Variants in TSNAXIP1 observed in about 807,000 individuals in gnomAD.
TSNAXIP1 encodes translin associated factor X interacting protein 1.
A neutral mutation model predicts 84.8 loss-of-function variants in TSNAXIP1; 89 were observed. That is an observed-to-expected ratio of 1.05 (90% CI 0.88 to 1.25). The LOEUF (loss-of-function observed/expected upper bound fraction) is 1.25, where lower values mean the gene tolerates loss of function less well. TSNAXIP1 is among the 50% of genes most tolerant of loss of function. The pLI, the probability that TSNAXIP1 is intolerant of heterozygous loss-of-function variation, is 0.00. For missense variants in TSNAXIP1, 874 were observed against 887.6 expected (o/e 0.98, Z 0.20); for synonymous variants, 347 against 335.2 (o/e 1.04, Z -0.39).
Position 67,807,212 on chromosome 16 carries a change from G to C in TSNAXIP1, c.47+16G>C, listed in dbSNP as rs1364495344. On this transcript the variant is annotated intron_variant, in intron 1 of 15. Coordinates refer to ENST00000561639, the MANE Select transcript of TSNAXIP1 (RefSeq NM_001288990.3). ...CCGCGTCGAGGTAGGCGCTGGCAGGGATGAGGGCAGAGATGAGGGTTTGAG... is the reference window on the plus strand; with the variant it reads ...CCGCGTCGAGGTAGGCGCTGGCAGGCATGAGGGCAGAGATGAGGGTTTGAG... 1.3e-6 allele frequency: 2 copies of C among 1,535,904 alleles called. No individual in the cohort carries two copies. The highest frequency in any genetic ancestry group is 3.9e-5 in the Admixed American group (2 of 50,962).
intron 15 of TSNAXIP1, 32 bp from the exon 16 acceptor site, chr16:67,827,714 GAGGGGTC>G: frequency 4.3e-6 from 7 of 1,612,574 alleles, no homozygotes; most frequent in Non-Finnish European, 5.9e-6. Context: ...GCACGGAGAG[GAGGGGTC>G]AGGGCCTGTC....
Position 67,807,029 on chromosome 16 carries a change from G to T in TSNAXIP1, c.-121G>T, listed in dbSNP as rs559289341. On this transcript the variant is annotated 5_prime_UTR_variant, in exon 1 of 16. Coordinates refer to ENST00000561639, the MANE Select transcript of TSNAXIP1 (RefSeq NM_001288990.3). Reference sequence around the variant, plus strand: ...CGGGCGCTAGGCTCGGGGGCGTGGCGCATCCCTGACTCCGCCCCCGCCGCG... The same window carrying T: ...CGGGCGCTAGGCTCGGGGGCGTGGCTCATCCCTGACTCCGCCCCCGCCGCG... The T allele has an allele frequency of 2.2e-4, 321 of 1,442,406 alleles. 1 individual carries two copies. The African/African-American group carries it at 4.3e-3, about 19-fold the overall frequency. The allele number at this position is 1,442,406 out of a possible 1,614,324, so 89.4% of individuals were successfully genotyped here.
chr16:67,826,475 T>A lies in TSNAXIP1; in HGVS notation c.1314T>A (p.Asp438Glu), dbSNP rs1031433539. Residue 438 changes from aspartate (D) to glutamate (E), a missense_variant, in exon 11 of 16, where the codon GAT becomes GAA. Transcript: ENST00000561639. ...CCATCCCTGCTTTTCTTCGGTTTGA[T>A]GGCCTCGTGGAGAACAAGAAGCCAA... ...GEAIPAFLRF[D>E]GLVENKKPSK... 1.2e-6 allele frequency: 2 copies of A among 1,613,950 alleles called. No individual in the cohort carries two copies. Among genetic ancestry groups the A allele is most frequent in the African/African-American group, 1.3e-5 (1 of 74,908 alleles).
At position 67,824,792 on chromosome 16, in the gene TSNAXIP1, G is replaced by A. The variant is rs1221366755; in HGVS notation, c.678+13G>A. 6 of 1,610,758 alleles carry A rather than the reference G, an allele frequency of 3.7e-6. No homozygotes were observed. Among genetic ancestry groups the A allele is most frequent in the Non-Finnish European group, 5.1e-6 (6 of 1,177,982 alleles). On this transcript the variant is annotated intron_variant, in intron 6 of 15. Transcript: ENST00000561639. ...ATTGCAGAGCGAGGTGAATGGAAGT[G>A]GTGTGATGATGACCAAGTCCCCGAA...
Position 67,826,831 on chromosome 16 carries a change from T to A in TSNAXIP1, c.1541T>A (p.Val514Asp). ...SNEVMSQFYA[V>D]LMGKRSENVY... ...GAGGTTATGAGTCAGTTCTATGCAG[T>A]CTTGATGGGAAAGGTGAGCTGGGGC... The change falls in exon 12 of 16, where the codon GTC becomes GAC. Residue 514 changes from valine (V) to aspartate (D), a missense_variant. Transcript: ENST00000561639. 1 of 1,613,576 alleles carries A rather than the reference T, an allele frequency of 6.2e-7. No individual in the cohort carries two copies. The highest frequency in any genetic ancestry group is 2.2e-5 in the East Asian group (1 of 44,884).
At position 67,814,397 on chromosome 16, in the gene TSNAXIP1, C is replaced by A. The variant is rs776688882; in HGVS notation, c.143C>A (p.Thr48Lys). The A allele has an allele frequency of 1.3e-6, 2 of 1,535,608 alleles. No homozygotes were observed. The highest frequency in any genetic ancestry group is 2.7e-5 in the African/African-American group (2 of 73,018). The change falls in exon 2 of 16, where the codon ACG (threonine) becomes AAG (lysine). Residue 48 changes from threonine (T) to lysine (K), a missense_variant. By Grantham distance (78) the Thr-to-Lys change is moderately conservative. Transcript: ENST00000561639. ...CGCAAGCTTCTTCAGAAACGAAGGA[C>A]GCTGGTTAGTGACAATGTTGTTTTG... ...QNRKLLQKRR[T>K]LTGQFSMGGH...
chr16:67,824,735 C>G lies in TSNAXIP1; in HGVS notation c.634C>G (p.Leu212Val). 1 of 1,614,140 alleles carries G rather than the reference C, an allele frequency of 6.2e-7. No individual in the cohort carries two copies. Among genetic ancestry groups the G allele is most frequent in the Non-Finnish European group, 8.5e-7 (1 of 1,180,000 alleles). Residue 212 changes from leucine to valine, a missense_variant, in exon 6 of 16, where the codon CTC (leucine) becomes GTC (valine). Leu to Val is a conservative substitution (Grantham distance 32). Coordinates refer to ENST00000561639, the MANE Select transcript of TSNAXIP1 (RefSeq NM_001288990.3). Reference protein sequence around the residue: ...LKKEKMNLLKLIDKKNEEKIS... With the variant: ...LKKEKMNLLKVIDKKNEEKIS... ...GAAAGAGAAGATGAACTTGCTAAAA[C>G]TCATCGACAAAAAGAATGAGGAGAA...
chr16:67,819,304 G>C (rs1312934935), intron 2 of TSNAXIP1, among the ~76,000 whole-genome samples: 1 of 150,020 alleles, frequency 6.7e-6, no homozygotes, highest in Non-Finnish European at 1.5e-5. Flanking sequence ...AGTGCAAGGG[G>C]TCGATCCCAG....
chr16:67,807,117 C>G lies in TSNAXIP1; in HGVS notation c.-33C>G, dbSNP rs2055504980. The stretch of plus-strand genomic sequence containing the variant: ...TGTACGCTACCACAGCTTCCCAGGC[C>G]GCGGGTGCTGATTGCCCGCCTGCCC... On this transcript the variant is annotated 5_prime_UTR_variant, in exon 1 of 16. Transcript: ENST00000561639. 6.5e-7 allele frequency: 1 copy of G among 1,533,262 alleles called. No homozygotes were observed. The highest frequency in any genetic ancestry group is 8.7e-7 in the Non-Finnish European group (1 of 1,145,962). The allele number at this position is 1,533,262 out of a possible 1,614,324, so 95.0% of individuals were successfully genotyped here.
intron 1 of TSNAXIP1, 56 bp downstream of exon 1, chr16:67,807,252 G>A: frequency 1.3e-6 from 2 of 1,535,824 alleles, no homozygotes; most frequent in Non-Finnish European, 1.7e-6. Context: ...TCTAGAGAGG[G>A]AAATGGCACT....
Position 67,827,359 on chromosome 16 carries a change from GCTCA to G in TSNAXIP1, c.1778_1781del (p.Ser593CysfsTer32), listed in dbSNP as rs762682167. ...AGCAATGCAGACTTGCTCAACTACC[GCTCA>G]CTGTTTATGGAGGTGGGTGTGTGGG... is the stretch of plus-strand genomic sequence containing the variant. On this transcript the variant is annotated frameshift_variant, in exon 14 of 16. Coordinates refer to ENST00000561639, the MANE Select transcript of TSNAXIP1 (RefSeq NM_001288990.3). LOFTEE classifies it high-confidence loss of function. 21 of 1,614,190 alleles carry G rather than the reference GCTCA, an allele frequency of 1.3e-5. No homozygotes were observed. The highest frequency in any genetic ancestry group is 4.5e-5 in the East Asian group (2 of 44,878).
chr16:67,810,170 G>A (rs1167239246), intron 1 of TSNAXIP1, among the ~76,000 whole-genome samples: 3 of 152,096 alleles, frequency 2.0e-5, no homozygotes, highest in East Asian at 1.9e-4. Context: ...AGGGACCTTC[G>A]AATTGTGCAT....
At chr16:67,823,530 G>A (rs567740579) in intron 4 of TSNAXIP1, 96 bp from the exon 5 acceptor site, 124 of 924,994 alleles carry the variant, frequency 1.3e-4, no homozygotes, top group Middle Eastern at 6.4e-4. Flanking sequence ...GTGATGGAGC[G>A]ACACTCCGTC....
At position 67,806,972 on chromosome 16, in the gene TSNAXIP1, C is replaced by A; in HGVS notation, c.-178C>A. The A allele has an allele frequency of 1.0e-6, 1 of 999,792 alleles. No homozygotes were observed. Among genetic ancestry groups the A allele is most frequent in the Non-Finnish European group, 1.4e-6 (1 of 703,188 alleles). The allele number at this position is 999,792 out of a possible 1,614,324, so 61.9% of individuals were successfully genotyped here. A position where few individuals can be genotyped will look rare whatever the true frequency, so the allele number is the denominator to read the frequency against. On this transcript the variant is annotated 5_prime_UTR_variant, in exon 1 of 16. Transcript: ENST00000561639. Reference sequence around the variant, plus strand: ...GGGCACCCGCTGCCGGGTCCCAGTCCACCTTTGCTACTTTGTCCTACTCCC... The same window carrying A: ...GGGCACCCGCTGCCGGGTCCCAGTCAACCTTTGCTACTTTGTCCTACTCCC...
At chr16:67,807,563 C>G (rs1841974746) in intron 1 of TSNAXIP1, 2 of 410,792 alleles carry the variant, frequency 4.9e-6, no homozygotes, top group African/African-American at 4.2e-5. Flanking sequence ...CTCCCGGGCT[C>G]AAGCGATCCT....
chr16:67,820,586 A>C (rs1186460500), intron 2 of TSNAXIP1, among the ~76,000 whole-genome samples: 3 of 152,094 alleles, frequency 2.0e-5, no homozygotes, highest in African/African-American at 7.2e-5. Flanking sequence ...CTCTACTAAA[A>C]ATACAAAAAT....
chr16:67,819,071 T>A (rs2056824389), intron 2 of TSNAXIP1, among the ~76,000 whole-genome samples: 1 of 151,770 alleles, frequency 6.6e-6, no homozygotes, highest in Non-Finnish European at 1.5e-5. Context: ...CTCGGGAGTC[T>A]GAGGCAGGAG....
rs770070970 is a variant in TSNAXIP1 at position 67,826,519 on chromosome 16, A to G, written c.1358A>G (p.Asn453Ser). ...NKKPSKKDVV[N>S]LLKDAWKERL... ...AAGCCAAGCAAGAAGGACGTGGTCAACCTCCTCAAGGATGCCTGGAAGGAA... is the reference window on the plus strand; with the variant it reads ...AAGCCAAGCAAGAAGGACGTGGTCAGCCTCCTCAAGGATGCCTGGAAGGAA... The change falls in exon 11 of 16, where the codon AAC becomes AGC. Residue 453 changes from asparagine (N) to serine (S), a missense_variant. Transcript: ENST00000561639. 1 of 1,614,034 alleles carries G rather than the reference A, an allele frequency of 6.2e-7. No individual in the cohort carries two copies. Among genetic ancestry groups the G allele is most frequent in the Non-Finnish European group, 8.5e-7 (1 of 1,180,006 alleles).
At chr16:67,823,602 T>C (rs1026240855) in intron 4 of TSNAXIP1, 24 bp from the exon 5 acceptor site, 1 of 1,602,360 alleles carries the variant, frequency 6.2e-7, no homozygotes, top group South Asian at 1.1e-5. Flanking sequence ...GGCTAGGAGA[T>C]GATGGGTTCC....
Sources: allele counts gnomAD v4.1 joint callset (sites outside exome capture counted in the v4.1 genomes callset), GRCh38; gene constraint gnomAD v4.1.1; transcripts MANE v1.5; gene names NCBI Gene and HGNC (gene_info 2026-07-23, HGNC 2026-07-21).